The following CUL1 variants were observed in gnomAD, a reference collection of about 807,000 sequenced individuals.
The protein encoded by CUL1 is cullin 1.
In CUL1, 24 loss-of-function variants were observed where a neutral mutation model predicts 118.0. The observed-to-expected ratio is 0.20, with a 90% confidence interval of 0.15 to 0.29. The LOEUF (loss-of-function observed/expected upper bound fraction) is 0.29, where lower values mean the gene tolerates loss of function less well. Among genes scored for constraint, CUL1 ranks in the 10% least tolerant of loss-of-function variants. CUL1 has a pLI of 1.00. For missense variants in CUL1, 361 were observed against 933.8 expected (o/e 0.39, Z 7.99); for synonymous variants, 332 against 340.4 (o/e 0.98, Z 0.27).
intron 1 of CUL1, among the ~76,000 whole-genome samples, chr7:148,702,885 C>T (rs1415993974): frequency 6.6e-6 from 1 of 152,212 alleles, no homozygotes; most frequent in Non-Finnish European, 1.5e-5. Context: ...CATCTGTCCC[C>T]AGTGCCTAGC....
chr7:148,770,256 G>C (rs1800164926), intron 9 of CUL1, among the ~76,000 whole-genome samples: 1 of 152,198 alleles, frequency 6.6e-6, no homozygotes, highest in African/African-American at 2.4e-5. Context: ...TTTAAACAAT[G>C]CTTGTGTTAC....
At chr7:148,702,005 A>G (rs561593902) in intron 1 of CUL1, among the ~76,000 whole-genome samples, 1 of 152,166 alleles carries the variant, frequency 6.6e-6, no homozygotes, top group Non-Finnish European at 1.5e-5. Flanking sequence ...GGCCAATTCT[A>G]AGGTTGCCTT....
chr7:148,723,453 C>G (rs993055333), intron 1 of CUL1, among the ~76,000 whole-genome samples: 1 of 152,148 alleles, frequency 6.6e-6, no homozygotes, highest in Non-Finnish European at 1.5e-5. Context: ...AGCTGTTCCT[C>G]TCTGATGTTT....
rs1800016158 is a variant in CUL1, at chr7:148,766,625, A to T, written c.854A>T (p.Asp285Val). The T allele has an allele frequency of 6.2e-7, 1 of 1,613,922 alleles. No homozygotes were observed. The highest frequency in any genetic ancestry group is 8.5e-7 in the Non-Finnish European group (1 of 1,179,954). Residue 285 changes from aspartate to valine, a missense_variant, in exon 8 of 22, where the codon GAT becomes GTT. Transcript: ENST00000325222. ...VQVYLHESTQDELARKCEQVL... is the reference protein window; with the variant it reads ...VQVYLHESTQVELARKCEQVL... ...GTTTACCTTCATGAAAGCACACAAG[A>T]TGAATTAGCAAGGAAATGTGAACAA...
intron 2 of CUL1, among the ~76,000 whole-genome samples, chr7:148,751,546 A>C (rs1036029459): frequency 1.3e-5 from 2 of 151,650 alleles, no homozygotes; most frequent in Non-Finnish European, 2.9e-5. Context: ...AAAAAAAAAA[A>C]AAAAAAAACC....
chr7:148,752,019 C>T (rs1799506672), intron 2 of CUL1, among the ~76,000 whole-genome samples: 1 of 152,068 alleles, frequency 6.6e-6, no homozygotes, highest in African/African-American at 2.4e-5. Context: ...GAGGCTGAGG[C>T]AGGAGAATCG....
intron 2 of CUL1, among the ~76,000 whole-genome samples, chr7:148,731,801 G>A (rs545419196): frequency 1.5e-4 from 23 of 152,266 alleles, no homozygotes; most frequent in African/African-American, 5.3e-4. Context: ...CTGCCTATGT[G>A]GCTTCTTTGA....
intron 9 of CUL1, among the ~76,000 whole-genome samples, chr7:148,778,070 C>CAAAAAAAAAAAAAAAAAAAAAAAAAAAA (rs1203417069): frequency 1.4e-4 from 2 of 13,796 alleles, no homozygotes; most frequent in Non-Finnish European, 2.8e-4. Context: ...GACCCTGTCT[C>CAAAAAAAAAAAAAAAAAAAAAAAAAAAA]AAAAAAAAAA....
intron 3 of CUL1, among the ~76,000 whole-genome samples, chr7:148,756,477 A>G (rs1799661901): frequency 6.6e-6 from 1 of 152,162 alleles, no homozygotes; most frequent in African/African-American, 2.4e-5. Context: ...CTGGGACTAC[A>G]GGCATGTGCC....
chr7:148,723,676 AG>A lies in CUL1; in HGVS notation c.-161-6284del, dbSNP rs534917259. Among the ~76,000 whole-genome samples the A allele has an allele frequency of 3.0e-4, 45 of 150,022 alleles. No homozygotes were observed. In the South Asian group the frequency reaches 9.3e-3, roughly 31 times the overall value. On this transcript the variant is annotated intron_variant, in intron 1 of 21. Coordinates refer to ENST00000325222, the MANE Select transcript of CUL1 (RefSeq NM_003592.3). ...ATATGACTCACCAAAAAAAAAAAAGAGGTATATTTCATTAAGTGAAGTGAGG... is the reference window on the plus strand; with the variant it reads ...ATATGACTCACCAAAAAAAAAAAAGAGTATATTTCATTAAGTGAAGTGAGG...
At chr7:148,790,091 G>C (rs184118359) in intron 15 of CUL1, among the ~76,000 whole-genome samples, 2 of 152,350 alleles carry the variant, frequency 1.3e-5, no homozygotes, top group Non-Finnish European at 2.9e-5. Context: ...TGAACACCTC[G>C]ATGGACCTGC....
intron 2 of CUL1, among the ~76,000 whole-genome samples, chr7:148,738,964 C>T (rs537114458): frequency 2.6e-5 from 4 of 152,230 alleles, no homozygotes; most frequent in Admixed American, 6.5e-5. Flanking sequence ...TTGTGGGGGG[C>T]GGTGGGTTCA....
chr7:148,707,611 A>G (rs1361777353), intron 1 of CUL1, among the ~76,000 whole-genome samples: 1 of 152,098 alleles, frequency 6.6e-6, no homozygotes, highest in Non-Finnish European at 1.5e-5. Context: ...TAAGCCCTGC[A>G]TACATTAGCT....
intron 2 of CUL1, among the ~76,000 whole-genome samples, chr7:148,734,362 A>C (rs1798868695): frequency 6.6e-6 from 1 of 152,166 alleles, no homozygotes; most frequent in East Asian, 1.9e-4. Context: ...ACCCCGCCTC[A>C]GCCTCCAAGT....
At chr7:148,736,774 C>G (rs1798957639) in intron 2 of CUL1, among the ~76,000 whole-genome samples, 1 of 152,186 alleles carries the variant, frequency 6.6e-6, no homozygotes, top group Non-Finnish European at 1.5e-5. Flanking sequence ...CTATAAACTG[C>G]TATTAAAAAC....
intron 1 of CUL1, among the ~76,000 whole-genome samples, chr7:148,701,154 A>G (rs1330340331): frequency 6.6e-6 from 1 of 150,436 alleles, no homozygotes; most frequent in African/African-American, 2.4e-5. Flanking sequence ...CTTTTTTTTA[A>G]TGAATGAGTT....
At chr7:148,718,738 G>A (rs1360387386) in intron 1 of CUL1, among the ~76,000 whole-genome samples, 2 of 151,948 alleles carry the variant, frequency 1.3e-5, no homozygotes, top group African/African-American at 4.8e-5. Flanking sequence ...TTTTTGGGGG[G>A]TAGATATCTG....
At chr7:148,796,749 G>C (rs768313827) in intron 17 of CUL1, among the ~76,000 whole-genome samples, 1 of 152,118 alleles carries the variant, frequency 6.6e-6, no homozygotes, top group Non-Finnish European at 1.5e-5. Context: ...GGAGGCTGCC[G>C]CTGCTCTCTC....
chr7:148,795,328 C>G (rs1801149087), intron 17 of CUL1, among the ~76,000 whole-genome samples: 1 of 151,930 alleles, frequency 6.6e-6, no homozygotes, highest in Admixed American at 6.5e-5. Context: ...GATGGTGTTT[C>G]ACTGTGTTGC....
Sources: gnomAD v4.1 joint callset for allele counts (sites outside exome capture counted in the v4.1 genomes callset) on GRCh38, gnomAD v4.1.1 for gene constraint, MANE v1.5 for transcripts, NCBI Gene and HGNC (gene_info 2026-07-23, HGNC 2026-07-21) for gene names.